TBX3: variants seen among roughly 807,000 people sequenced by gnomAD.
TBX3 encodes T-box transcription factor TBX3.
Under a neutral mutation model 47.8 loss-of-function variants are expected in TBX3, and 11 were observed. That is an observed-to-expected ratio of 0.23 (90% CI 0.14 to 0.38). The LOEUF (loss-of-function observed/expected upper bound fraction) is 0.38, where lower values mean the gene tolerates loss of function less well. Among genes scored for constraint, TBX3 ranks in the 10% least tolerant of loss-of-function variants. The pLI is 1.00. For synonymous variants in TBX3, 500 were observed against 449.3 expected (o/e 1.11, Z -1.43); for missense variants, 927 against 1,022.8 (o/e 0.91, Z 1.28).
chr12:114,683,060 A>G lies in TBX3; in HGVS notation c.141T>C (p.Pro47=), dbSNP rs745466313. Residue 47 remains proline, a synonymous_variant, in exon 1 of 7, where the codon CCT becomes CCC. Coordinates refer to ENST00000349155, the MANE Select transcript of TBX3 (RefSeq NM_005996.4). This position sits in a 1 kb window ranked among gnomAD's most constrained non-coding sequence, Gnocchi z 7.7. ...GCGAGAGCGCCGCCGCGCCGTTGGG[A>G]GGCAGCGTCAGCGCGGGGAAGAACG... ...QPPFFPALTL[P]PNGAAALSLP... 2.5e-6 allele frequency: 4 copies of G among 1,609,164 alleles called. No individual in the cohort carries two copies. In the South Asian group the frequency reaches 3.3e-5, roughly 13 times the overall value.
rs1869047347 is a variant in TBX3 at position 114,683,576 on chromosome 12, A to G, written c.-376T>C. On this transcript the variant is annotated 5_prime_UTR_variant, in exon 1 of 7. Coordinates refer to ENST00000349155, the MANE Select transcript of TBX3 (RefSeq NM_005996.4). This position sits in a 1 kb window ranked among gnomAD's most constrained non-coding sequence, Gnocchi z 7.7. ...AGCCCTGCCGCTGAGCTCGAAATAGACACTCCAGCCCTGCGTCCCAGGAAT... is the reference window on the plus strand; with the variant it reads ...AGCCCTGCCGCTGAGCTCGAAATAGGCACTCCAGCCCTGCGTCCCAGGAAT... The G allele has an allele frequency of 6.7e-6, 2 of 297,212 alleles. No homozygotes were observed. The highest frequency in any genetic ancestry group is 1.6e-4 in the South Asian group (2 of 12,676). 18.4% of individuals were successfully genotyped at this position (297,212 alleles called of 1,614,324 possible).
In TBX3 at chr12:114,680,953, C is replaced by G; in HGVS notation, c.583G>C (p.Glu195Gln). The part of the protein sequence containing the change: ...YIHPDSPATG[E>Q]QWMSKVVTFH... ...GTGACGACTTTGGACATCCACTGTT[C>G]CCCAGTAGCGGGGCTGTCCGGGTGA... Residue 195 changes from glutamate (E) to glutamine (Q), a missense_variant, in exon 2 of 7, where the codon GAA becomes CAA. By Grantham distance (29) the Glu-to-Gln change is conservative. Around this residue, in one of 5 missense-constraint regions of TBX3, gnomAD observed 216 missense variants for 281.2 expected, o/e 0.77. Transcript: ENST00000349155. 1 of 1,614,082 alleles carries G rather than the reference C, an allele frequency of 6.2e-7. No homozygotes were observed. The highest frequency in any genetic ancestry group is 1.3e-5 in the African/African-American group (1 of 75,002).
rs751549922 is a variant in TBX3, at chr12:114,674,560, G to A, written c.1315C>T (p.Arg439Cys). 1 of 1,565,308 alleles carries A rather than the reference G, an allele frequency of 6.4e-7. No homozygotes were observed. The highest frequency in any genetic ancestry group is 2.3e-5 in the East Asian group (1 of 42,818). Residue 439 changes from arginine to cysteine, a missense_variant, in exon 6 of 7, where the codon CGC becomes TGC. Arg to Cys is a radical substitution (Grantham distance 180). Coordinates refer to ENST00000349155, the MANE Select transcript of TBX3 (RefSeq NM_005996.4). ...ACCTTGGCCGGCGCTGTGCCCTCGC[G>A]AACCGGGCTCCTGCGCTCCTCCGCG... is the stretch of plus-strand genomic sequence containing the variant. ...LGAEERRSPV[R>C]EGTAPAKVEE...
chr12:114,683,084 C>G lies in TBX3; in HGVS notation c.117G>C (p.Pro39=), dbSNP rs1869015888. 2 of 1,610,572 alleles carry G rather than the reference C, an allele frequency of 1.2e-6. No individual in the cohort carries two copies. Among genetic ancestry groups the G allele is most frequent in the Non-Finnish European group, 1.7e-6 (2 of 1,178,228 alleles). Residue 39 remains proline, a synonymous_variant, in exon 1 of 7, where the codon CCG becomes CCC. Transcript: ENST00000349155. The surrounding 1 kb of genome is among the most constrained non-coding windows in gnomAD (Gnocchi z 7.7). ...AMSAVLGHQP[P]FFPALTLPPN... The stretch of plus-strand genomic sequence containing the variant: ...GAGGCAGCGTCAGCGCGGGGAAGAA[C>G]GGCGGCTGGTGACCCAGCACCGCGC...
At position 114,674,217 on chromosome 12, in the gene TBX3, G is replaced by A. The variant is rs773504740; in HGVS notation, c.1658C>T (p.Ala553Val). ...GTGGAAGGGCAGGGTGGCCGCGGAC[G>A]CCCCGGACAGTCCCTGCGCCGCAGC... ...SAAAAQGLSG[A>V]SAATLPFHLQ... The change falls in exon 6 of 7, where the codon GCG becomes GTG. Residue 553 changes from alanine to valine, a missense_variant. Ala to Val is a moderately conservative substitution (Grantham distance 64). Coordinates refer to ENST00000349155, the MANE Select transcript of TBX3 (RefSeq NM_005996.4). The A allele has an allele frequency of 1.3e-6, 2 of 1,578,420 alleles. No homozygotes were observed. The highest frequency in any genetic ancestry group is 1.7e-6 in the Non-Finnish European group (2 of 1,163,282).
chr12:114,676,108 G>T (rs932801402), intron 5 of TBX3, among the ~76,000 whole-genome samples: 15 of 152,172 alleles, frequency 9.9e-5, no homozygotes, highest in African/African-American at 3.6e-4. Flanking sequence ...TGGGAGAAAG[G>T]CCTCTGTGCT....
In TBX3 at chr12:114,681,072, A is replaced by G; in HGVS notation, c.464T>C (p.Ile155Thr). The change falls in exon 2 of 7, where the codon ATT becomes ACT. Residue 155 changes from isoleucine to threonine, a missense_variant. Physicochemically the swap from Ile to Thr is moderately conservative, Grantham distance 89. This residue lies in a region of TBX3 where 216 missense variants were observed against 281.2 expected (regional missense o/e 0.77). Coordinates refer to ENST00000349155, the MANE Select transcript of TBX3 (RefSeq NM_005996.4). ...KKAKYILLMD[I>T]IAADDCRYKF... is the part of the protein sequence containing the mutation. ...ATAACGACAGTCATCAGCAGCTATA[A>G]TGTCCATCAATAAAATGTATTTGGC... is the stretch of plus-strand genomic sequence containing the variant. 1 of 1,614,162 alleles carries G rather than the reference A, an allele frequency of 6.2e-7. No homozygotes were observed. The highest frequency in any genetic ancestry group is 8.5e-7 in the Non-Finnish European group (1 of 1,180,026).
chr12:114,673,300 C>T (rs1161878105), intron 6 of TBX3, among the ~76,000 whole-genome samples: 2 of 152,192 alleles, frequency 1.3e-5, no homozygotes. Context: ...GACGAATGTG[C>T]TCAGACAAAA....
At chr12:114,678,109 C>A (rs1057071831) in intron 3 of TBX3, among the ~76,000 whole-genome samples, 1 of 148,804 alleles carries the variant, frequency 6.7e-6, no homozygotes, top group African/African-American at 2.4e-5. Context: ...TACCCTTGTG[C>A]GGGAGTGAGT....
In TBX3 at chr12:114,683,078, G is replaced by C; in HGVS notation, c.123C>G (p.Phe41Leu). Residue 41 changes from phenylalanine to leucine, a missense_variant, in exon 1 of 7, where the codon TTC becomes TTG. Around this residue, in one of 5 missense-constraint regions of TBX3, gnomAD observed 216 missense variants for 281.2 expected, o/e 0.77. Transcript: ENST00000349155. The surrounding 1 kb of genome is among the most constrained non-coding windows in gnomAD (Gnocchi z 7.7). ...CGTTGGGAGGCAGCGTCAGCGCGGG[G>C]AAGAACGGCGGCTGGTGACCCAGCA... ...SAVLGHQPPF[F>L]PALTLPPNGA... 1 of 1,611,160 alleles carries C rather than the reference G, an allele frequency of 6.2e-7. No homozygotes were observed. The highest frequency in any genetic ancestry group is 8.5e-7 in the Non-Finnish European group (1 of 1,178,346).
Position 114,680,981 on chromosome 12 carries a change from G to A in TBX3, c.555C>T (p.Tyr185=), listed in dbSNP as rs756181697. Residue 185 remains tyrosine, a synonymous_variant, in exon 2 of 7, where the codon TAC becomes TAT. Transcript: ENST00000349155. ...KADPEMPKRM[Y]IHPDSPATGE... ...CAGTAGCGGGGCTGTCCGGGTGAAT[G>A]TACATCCTCTTTGGCATTTCGGGGT... The A allele has an allele frequency of 3.7e-6, 6 of 1,614,098 alleles. No individual in the cohort carries two copies. In the East Asian group the frequency reaches 8.9e-5, roughly 24 times the overall value.
chr12:114,676,123 T>C (rs1868696462), intron 5 of TBX3, among the ~76,000 whole-genome samples, 190 bp downstream of exon 5: 1 of 152,206 alleles, frequency 6.6e-6, no homozygotes, highest in African/African-American at 2.4e-5. Flanking sequence ...TGTGCTCTCC[T>C]TCTACTGCCT....
Position 114,676,201 on chromosome 12 carries a change from A to C in TBX3, c.1039+112T>G, listed in dbSNP as rs1056045931. ...CTGGCTTCTGTTTAAGGATGTTTAG[A>C]AGGCTTCTAGCTTTTAAAGGGCAAG... On this transcript the variant is annotated intron_variant, in intron 5 of 6. Transcript: ENST00000349155. 3.7e-5 allele frequency: 51 copies of C among 1,391,430 alleles called. No individual in the cohort carries two copies. In the Middle Eastern group the frequency reaches 7.5e-4, roughly 21 times the overall value. The allele number at this position is 1,391,430 out of a possible 1,614,324, so 86.2% of individuals were successfully genotyped here. A position where few individuals can be genotyped will look rare whatever the true frequency, so the allele number is the denominator to read the frequency against.
intron 6 of TBX3, among the ~76,000 whole-genome samples, chr12:114,673,472 G>T (rs760812737): frequency 6.6e-6 from 1 of 152,152 alleles, no homozygotes; most frequent in Admixed American, 6.5e-5. Flanking sequence ...TTTCCCACGT[G>T]TGCACAAACC....
At position 114,672,110 on chromosome 12, in the gene TBX3, G is replaced by C; in HGVS notation, c.1903C>G (p.Leu635Val). Reference protein sequence around the residue: ...IPVPVPDGSSLLTTALPSMAA... With the variant: ...IPVPVPDGSSVLTTALPSMAA... The stretch of plus-strand genomic sequence containing the variant: ...ATGGAGGGCAGGGCGGTGGTGAGCA[G>C]ACTGCTGCCGTCCGGGACCGGCACC... Residue 635 changes from leucine to valine, a missense_variant, in exon 7 of 7, where the codon CTG becomes GTG. Leu to Val is a conservative substitution (Grantham distance 32, BLOSUM62 1). Around this residue, in one of 5 missense-constraint regions of TBX3, gnomAD observed 623 missense variants for 569.0 expected, o/e 1.09. Coordinates refer to ENST00000349155, the MANE Select transcript of TBX3 (RefSeq NM_005996.4). 6.4e-7 allele frequency: 1 copy of C among 1,568,826 alleles called. No individual in the cohort carries two copies. Among genetic ancestry groups the C allele is most frequent in the Non-Finnish European group, 8.6e-7 (1 of 1,157,016 alleles).
rs1868476791 is a variant in TBX3 at position 114,672,212 on chromosome 12, T to TGGAGGCTGCCGCAGA, written c.1786_1800dup (p.Ala597_Ser601dup). 3.8e-6 allele frequency: 6 copies of TGGAGGCTGCCGCAGA among 1,572,452 alleles called. No homozygotes were observed. Among genetic ancestry groups the TGGAGGCTGCCGCAGA allele is most frequent in the African/African-American group, 2.7e-5 (2 of 74,294 alleles). Reference sequence around the variant, plus strand: ...AGGAAGGGGTGGCGGTGCACCGAGCTGGAGGCTGCCGCAGAGGAGGCGGCC... The same window carrying TGGAGGCTGCCGCAGA: ...AGGAAGGGGTGGCGGTGCACCGAGCTGGAGGCTGCCGCAGAGGAGGCTGCCGCAGAGGAGGCGGCC... On this transcript the variant is annotated inframe_insertion, in exon 7 of 7. Transcript: ENST00000349155.
At position 114,679,563 on chromosome 12, in the gene TBX3, C is replaced by T. The variant is rs775378442; in HGVS notation, c.746G>A (p.Arg249Gln). The T allele has an allele frequency of 6.8e-6, 11 of 1,613,966 alleles. No individual in the cohort carries two copies. Among genetic ancestry groups the T allele is most frequent in the South Asian group, 2.2e-5 (2 of 91,084 alleles). ...DILKLPYSTFRTYLFPETEFI... is the reference protein window; with the variant it reads ...DILKLPYSTFQTYLFPETEFI... ...TTCAGTTTCGGGGAACAAGTATGTC[C>T]GAAATGTACTATAAGGGAGTTTCAA... The change falls in exon 3 of 7, where the codon CGG (arginine) becomes CAG (glutamine). Residue 249 changes from arginine to glutamine, a missense_variant. Physicochemically the swap from Arg to Gln is conservative, Grantham distance 43. This residue lies in a region of TBX3 where 38 missense variants were observed against 77.7 expected (regional missense o/e 0.49). Transcript: ENST00000349155.
chr12:114,682,123 T>C (rs983904303), intron 1 of TBX3, among the ~76,000 whole-genome samples: 2 of 152,178 alleles, frequency 1.3e-5, no homozygotes, highest in Admixed American at 1.3e-4. Context: ...TTAAACATTA[T>C]GTAAAATATG....
intron 3 of TBX3, among the ~76,000 whole-genome samples, chr12:114,679,095 C>T (rs1189864618): frequency 6.6e-6 from 1 of 152,210 alleles, no homozygotes; most frequent in Non-Finnish European, 1.5e-5. Flanking sequence ...TACTAGGATT[C>T]TCCTCCCAGG....
Sources: gnomAD v4.1 joint callset for allele counts (sites outside exome capture counted in the v4.1 genomes callset) on GRCh38, gnomAD v4.1.1 for gene constraint, gnomAD v4.1.1 regional missense constraint, Gnocchi (gnomAD v3.1) non-coding constraint, MANE v1.5 for transcripts, NCBI Gene and HGNC (gene_info 2026-07-23, HGNC 2026-07-21) for gene names.